PI4K2A: variants seen among roughly 807,000 people sequenced by gnomAD.
PI4K2A encodes the protein phosphatidylinositol 4-kinase type 2 alpha.
In PI4K2A, 20 loss-of-function variants were observed where a neutral mutation model predicts 55.0. That is an observed-to-expected ratio of 0.36 (90% CI 0.26 to 0.53). PI4K2A has a LOEUF of 0.53. PI4K2A is among the 20% of genes least tolerant of loss of function. The pLI is 0.91. For synonymous variants in PI4K2A, 235 were observed against 258.5 expected (o/e 0.91, Z 0.87); for missense variants, 463 against 637.1 (o/e 0.73, Z 2.94).
At chr10:97,661,063 T>C (rs1407224560) in intron 4 of PI4K2A, among the ~76,000 whole-genome samples, 10 of 151,904 alleles carry the variant, frequency 6.6e-5, no homozygotes, top group African/African-American at 2.4e-4. Flanking sequence ...CCAATCTCGG[T>C]TCACTGCAAG....
exon 1 of PI4K2A, chr10:97,641,061 G>A (rs1224839207): frequency 1.2e-6 from 2 of 1,606,664 alleles, no homozygotes; most frequent in Non-Finnish European, 1.7e-6. Flanking sequence ...GTTCCCGGAG[G>A]ATCCTGAGTT....
Position 97,656,807 on chromosome 10 carries a change from C to T in PI4K2A, c.769-14C>T, listed in dbSNP as rs1441171945. 1.9e-6 allele frequency: 3 copies of T among 1,613,690 alleles called. No homozygotes were observed. The South Asian group carries it at 3.3e-5, about 18-fold the overall frequency. On this transcript the variant is annotated splice_polypyrimidine_tract_variant and intron_variant, in intron 3 of 8. Coordinates refer to ENST00000370631, the Ensembl canonical transcript of PI4K2A. The surrounding 1 kb of genome is among the most constrained non-coding windows in gnomAD (Gnocchi z 4.5). ...CAGTAGGGAAAAACCTTTGTTCCTT[C>T]CTCTTGGTTCCAGGTTGGTTCATTC...
exon 9 of PI4K2A, chr10:97,673,953 TG>T: frequency 1.8e-6 from 1 of 542,464 alleles, no homozygotes; most frequent in Non-Finnish European, 3.3e-6. Flanking sequence ...TGGGGGAGGC[TG>T]GAGCTCCATG....
chr10:97,647,908 C>T (rs11818469), intron 1 of PI4K2A, among the ~76,000 whole-genome samples: 1,546 of 132,100 alleles, frequency 0.012, 23 homozygotes, highest in African/African-American at 0.049. Context: ...CCTTCAAGTT[C>T]TGCTTGCTTT....
intron 4 of PI4K2A, among the ~76,000 whole-genome samples, chr10:97,661,299 A>G (rs995493619): frequency 6.6e-6 from 1 of 151,850 alleles, no homozygotes; most frequent in African/African-American, 2.4e-5. Context: ...CCACTGCTGG[A>G]TTATTTTAAA....
intron 1 of PI4K2A, among the ~76,000 whole-genome samples, chr10:97,642,932 TC>T (rs1249277718): frequency 7.0e-6 from 1 of 143,260 alleles, no homozygotes; most frequent in Admixed American, 7.0e-5. Flanking sequence ...TTCCTTTCTT[TC>T]CTTTCTTTCT....
exon 9 of PI4K2A, chr10:97,675,486 A>G (rs1035817037): frequency 6.5e-6 from 1 of 152,694 alleles, no homozygotes; most frequent in African/African-American, 2.4e-5. Flanking sequence ...CTTGGGAACA[A>G]TGTTCGAGAG....
At chr10:97,646,309 G>T (rs763474167) in intron 1 of PI4K2A, among the ~76,000 whole-genome samples, 1 of 151,658 alleles carries the variant, frequency 6.6e-6, no homozygotes, top group Non-Finnish European at 1.5e-5. Context: ...CTGCCTCCTG[G>T]GTTCAAGCAA....
chr10:97,659,611 C>T (rs1289462036), intron 4 of PI4K2A, among the ~76,000 whole-genome samples: 1 of 151,956 alleles, frequency 6.6e-6, no homozygotes. Context: ...ACCTTGCAAT[C>T]TTTCACCATT....
At chr10:97,667,696 C>T (rs1246950442) in intron 8 of PI4K2A, among the ~76,000 whole-genome samples, 1 of 152,184 alleles carries the variant, frequency 6.6e-6, no homozygotes, top group Non-Finnish European at 1.5e-5. Context: ...TAAACTAATG[C>T]TCTCTGTCCT....
intron 1 of PI4K2A, among the ~76,000 whole-genome samples, chr10:97,641,933 A>AGGG (rs1333798840): frequency 6.6e-6 from 1 of 152,140 alleles, no homozygotes; most frequent in Non-Finnish European, 1.5e-5. Context: ...CTGTATATAA[A>AGGG]GGGGGATGGT....
At chr10:97,666,953 G>A (rs1390145690) in intron 7 of PI4K2A, 108 bp from the exon 8 acceptor site, 17 of 790,888 alleles carry the variant, frequency 2.1e-5, no homozygotes, top group Non-Finnish European at 2.8e-5. Context: ...CAAAGCTGCA[G>A]AAGCCTTATG....
At chr10:97,647,881 C>T (rs899436137) in intron 1 of PI4K2A, among the ~76,000 whole-genome samples, 7 of 151,460 alleles carry the variant, frequency 4.6e-5, no homozygotes, top group Non-Finnish European at 4.4e-5. Context: ...TTAAATGACA[C>T]TTGACTGCAA....
chr10:97,651,033 T>C (rs7915721), exon 2 of PI4K2A: 398,467 of 1,613,454 alleles, frequency 0.25, 54,263 homozygotes, highest in African/African-American at 0.57. Flanking sequence ...TGTGCTGTCC[T>C]TGCTGCTTTG....
intron 6 of PI4K2A, among the ~76,000 whole-genome samples, chr10:97,666,039 C>G (rs941335539): frequency 1.3e-5 from 2 of 151,704 alleles, no homozygotes. Context: ...TTCTGTCTTC[C>G]TTGTTCCATC....
At chr10:97,662,260 T>G (rs1299075943) in intron 4 of PI4K2A, among the ~76,000 whole-genome samples, 4 of 152,206 alleles carry the variant, frequency 2.6e-5, no homozygotes, top group Non-Finnish European at 4.4e-5. Flanking sequence ...CTGTTTTAAT[T>G]TTCAGTTGTT....
At chr10:97,649,920 G>A (rs1327748061) in intron 1 of PI4K2A, among the ~76,000 whole-genome samples, 2 of 151,992 alleles carry the variant, frequency 1.3e-5, no homozygotes, top group Admixed American at 6.6e-5. Context: ...CACCATGCCC[G>A]GCCCATAATA....
chr10:97,659,737 C>T (rs1001713047), intron 4 of PI4K2A, among the ~76,000 whole-genome samples: 2 of 152,056 alleles, frequency 1.3e-5, no homozygotes, highest in Admixed American at 6.6e-5. Context: ...TGGGTAGCTG[C>T]TTGTGGGGCT....
chr10:97,672,873 G>A (rs1259790547), intron 8 of PI4K2A, among the ~76,000 whole-genome samples: 1 of 150,778 alleles, frequency 6.6e-6, no homozygotes, highest in Non-Finnish European at 1.5e-5. Flanking sequence ...TGGGATTACA[G>A]GTGTGCACCA....
Sources: gnomAD v4.1 joint callset for allele counts (sites outside exome capture counted in the v4.1 genomes callset) on GRCh38, gnomAD v4.1.1 for gene constraint, Gnocchi (gnomAD v3.1) non-coding constraint, MANE v1.5 for transcripts, NCBI Gene and HGNC (gene_info 2026-07-23, HGNC 2026-07-21) for gene names.